CUBN: variants seen among roughly 807,000 people sequenced by gnomAD.
CUBN encodes 460 kDa receptor.
Under a neutral mutation model 405.3 loss-of-function variants are expected in CUBN, and 282 were observed. The ratio of observed to expected loss-of-function variants is 0.70; its 90% CI spans 0.63 to 0.77. The LOEUF (loss-of-function observed/expected upper bound fraction) is 0.77, where lower values mean the gene tolerates loss of function less well. CUBN is among the 30% of genes least tolerant of loss of function. The pLI is 0.00. For synonymous variants in CUBN, 1,684 were observed against 1,617.0 expected (o/e 1.04, Z -0.99); for missense variants, 4,514 against 4,475.2 (o/e 1.01, Z -0.25).
At chr10:16,870,406 A>T (rs892768873) in intron 58 of CUBN, among the ~76,000 whole-genome samples, 2 of 152,198 alleles carry the variant, frequency 1.3e-5, no homozygotes, top group Non-Finnish European at 2.9e-5. Context: ...GGAAATTTAC[A>T]TTTAAGACCT....
intron 11 of CUBN, among the ~76,000 whole-genome samples, 167 bp downstream of exon 11, chr10:17,105,290 C>A (rs1262977631): frequency 6.6e-6 from 1 of 151,866 alleles, no homozygotes; most frequent in African/African-American, 2.4e-5. Flanking sequence ...ATGTTTTTTC[C>A]TAAGAACTAA....
At chr10:17,024,102 T>C (rs768848756) in intron 27 of CUBN, among the ~76,000 whole-genome samples, 26 of 151,498 alleles carry the variant, frequency 1.7e-4, no homozygotes, top group East Asian at 2.0e-4. Flanking sequence ...ATTTGGCACA[T>C]ACTTTACAAT....
chr10:16,830,570 G>A (rs570926136), intron 65 of CUBN, among the ~76,000 whole-genome samples: 8 of 152,112 alleles, frequency 5.3e-5, no homozygotes, highest in East Asian at 1.9e-4. Flanking sequence ...CAGGGCCTGC[G>A]AGAAGCACAA....
Position 16,987,487 on chromosome 10 carries a change from CGGGGTTATG to C in CUBN, c.4350+2838_4350+2846del, listed in dbSNP as rs568491817. On this transcript the variant is annotated intron_variant, in intron 29 of 66. Transcript: ENST00000377833. Reference sequence around the variant, plus strand: ...TATTGTTACAATCAAGTCAGCATTCCGGGGTTATGAGTAACCAAACAGCTGCTGCTTTTT... The same window carrying C: ...TATTGTTACAATCAAGTCAGCATTCCAGTAACCAAACAGCTGCTGCTTTTT... 1.8e-4 allele frequency among the ~76,000 whole-genome samples: 28 copies of C among 152,228 alleles called. No homozygotes were observed. The East Asian group carries it at 4.3e-3, about 23-fold the overall frequency.
chr10:16,989,250 G>T (rs1833511824), intron 29 of CUBN, among the ~76,000 whole-genome samples: 1 of 151,460 alleles, frequency 6.6e-6, no homozygotes, highest in Non-Finnish European at 1.5e-5. Flanking sequence ...AAAGTTCAAA[G>T]TATACATAAT....
At chr10:17,012,478 C>T (rs1461870918) in intron 28 of CUBN, among the ~76,000 whole-genome samples, 3 of 152,180 alleles carry the variant, frequency 2.0e-5, no homozygotes, top group East Asian at 1.9e-4. Flanking sequence ...TCACTGCTGC[C>T]GAAGAGTCTA....
At position 17,010,145 on chromosome 10, in the gene CUBN, A is replaced by G. The variant is rs189498658; in HGVS notation, c.4168+9688T>C. Among the ~76,000 whole-genome samples the G allele has an allele frequency of 1.7e-3, 265 of 152,364 alleles. 1 individual carries two copies. The highest frequency in any genetic ancestry group is 0.011 in the South Asian group (52 of 4,826). ...ATGTGCACAGGAGCATCTGGGTAGC[A>G]CGTATGCTCTGGAGAATGCCCCAGC... is the stretch of plus-strand genomic sequence containing the variant. On this transcript the variant is annotated intron_variant, in intron 28 of 66. Coordinates refer to ENST00000377833, the MANE Select transcript of CUBN (RefSeq NM_001081.4).
At chr10:16,916,062 G>GA in intron 45 of CUBN, 32 bp from the exon 46 acceptor site, 1 of 1,588,568 alleles carries the variant, frequency 6.3e-7, no homozygotes. Context: ...AAATAAATAA[G>GA]AAAGCAAGCA....
intron 39 of CUBN, 123 bp downstream of exon 39, chr10:16,937,469 A>T: frequency 1.3e-6 from 1 of 757,736 alleles, no homozygotes; most frequent in South Asian, 1.6e-5. Flanking sequence ...ATCTGAACAT[A>T]TGGTGGAAGG....
intron 32 of CUBN, 133 bp from the exon 33 acceptor site, chr10:16,952,522 CCATAA>C: frequency 1.5e-6 from 1 of 676,102 alleles, no homozygotes; most frequent in South Asian, 1.5e-5. Context: ...AGAAAGTTCT[CCATAA>C]GGAGAGCTGT....
At chr10:16,884,391 T>C (rs1056600449) in intron 56 of CUBN, among the ~76,000 whole-genome samples, 11 of 20,916 alleles carry the variant, frequency 5.3e-4, no homozygotes, top group African/African-American at 1.7e-3. Flanking sequence ...GATCTATAAT[T>C]TTTTTTTTTT....
At chr10:16,847,298 A>T (rs1839544566) in intron 60 of CUBN, among the ~76,000 whole-genome samples, 1 of 151,996 alleles carries the variant, frequency 6.6e-6, no homozygotes, top group Admixed American at 6.6e-5. Flanking sequence ...TAAAAATACA[A>T]AAAATTAGCT....
intron 29 of CUBN, among the ~76,000 whole-genome samples, chr10:16,985,484 C>T (rs557035314): frequency 1.6e-4 from 25 of 152,294 alleles, no homozygotes; most frequent in South Asian, 6.2e-4. Flanking sequence ...CCTTCAAGTC[C>T]GTGTGTGACC....
intron 14 of CUBN, among the ~76,000 whole-genome samples, chr10:17,091,608 A>G (rs1277725929): frequency 6.6e-6 from 1 of 152,210 alleles, no homozygotes; most frequent in African/African-American, 2.4e-5. Context: ...CTGAACCTAA[A>G]GAATGCTAAA....
chr10:16,996,056 C>G (rs369457911), intron 28 of CUBN, among the ~76,000 whole-genome samples: 1 of 152,194 alleles, frequency 6.6e-6, no homozygotes, highest in African/African-American at 2.4e-5. Flanking sequence ...CTCTCTCCCC[C>G]ATGCCTTGCC....
At chr10:16,846,713 G>T (rs373025273) in intron 60 of CUBN, among the ~76,000 whole-genome samples, 8 of 151,528 alleles carry the variant, frequency 5.3e-5, no homozygotes, top group African/African-American at 1.5e-4. Context: ...TTGGGAGGCC[G>T]AGGCAGGAGA....
intron 17 of CUBN, among the ~76,000 whole-genome samples, chr10:17,072,606 A>G (rs1274864831): frequency 6.6e-6 from 1 of 152,166 alleles, no homozygotes; most frequent in Non-Finnish European, 1.5e-5. Context: ...GAATACAGTA[A>G]AAAGAAGAGC....
At chr10:17,008,910 C>T (rs1834103874) in intron 28 of CUBN, among the ~76,000 whole-genome samples, 1 of 152,162 alleles carries the variant, frequency 6.6e-6, no homozygotes, top group South Asian at 2.1e-4. Context: ...TCCTTAGTGT[C>T]TGTGGAATGA....
chr10:17,071,851 T>C lies in CUBN; in HGVS notation c.2422A>G (p.Ser808Gly). 1 of 1,612,736 alleles carries C rather than the reference T, an allele frequency of 6.2e-7. No individual in the cohort carries two copies. The highest frequency in any genetic ancestry group is 8.5e-7 in the Non-Finnish European group (1 of 1,179,726). The change falls in exon 18 of 67, where the codon AGT becomes GGT. Residue 808 changes from serine (S) to glycine (G), a missense_variant. Physicochemically the swap from Ser to Gly is moderately conservative, Grantham distance 56. This residue lies in a region of CUBN where 1,448 missense variants were observed against 1,388.0 expected (regional missense o/e 1.04). Transcript: ENST00000377833. The stretch of plus-strand genomic sequence containing the variant: ...CCGACTTGATAAACAGCTCTGAAAC[T>C]AGCTTTTTCAACAGAAGCATCTATT... ...FKIDASVEKA[S>G]FRAVYQVACG...
Sources: allele counts gnomAD v4.1 joint callset (sites outside exome capture counted in the v4.1 genomes callset), GRCh38; gene constraint gnomAD v4.1.1; regional missense constraint gnomAD v4.1.1; transcripts MANE v1.5; gene names NCBI Gene and HGNC (gene_info 2026-07-23, HGNC 2026-07-21).